The following BIRC6 variants were observed in gnomAD, a reference collection of about 807,000 sequenced individuals.
BIRC6 encodes dual E2 ubiquitin-conjugating enzyme/E3 ubiquitin-protein ligase BIRC6.
A neutral mutation model predicts 503.3 loss-of-function variants in BIRC6; 98 were observed. The observed-to-expected ratio is 0.19, with a 90% CI of 0.17 to 0.23. BIRC6 has a LOEUF of 0.23. BIRC6 is among the 10% of genes least tolerant of loss of function. BIRC6 has a pLI of 1.00. For missense variants in BIRC6, 5,360 were observed against 5,806.0 expected, an observed-to-expected ratio of 0.92 and a Z score of 2.50; for synonymous variants, 2,240 against 2,078.7, an observed-to-expected ratio of 1.08 and a Z score of -2.11.
chr2:32,511,201 C>CTTTTTTTTTTT, intron 53 of BIRC6, among the ~76,000 whole-genome samples: 193 of 48,588 alleles, frequency 4.0e-3, no homozygotes, highest in Non-Finnish European at 4.8e-3. Context: ...CTTTTCTTTT[C>CTTTTTTTTTTT]TTTTTTTTTT....
chr2:32,391,458 A>G (rs1427716538), intron 4 of BIRC6, among the ~76,000 whole-genome samples: 1 of 152,222 alleles, frequency 6.6e-6, no homozygotes, highest in African/African-American at 2.4e-5. Flanking sequence ...CTGAGAATGC[A>G]TTTCTAACCA....
At chr2:32,551,670 A>G (rs2058433471) in intron 65 of BIRC6, among the ~76,000 whole-genome samples, 1 of 152,244 alleles carries the variant, frequency 6.6e-6, no homozygotes, top group South Asian at 2.1e-4. Context: ...ATTAGTCTAA[A>G]GTTTATTTTC....
At position 32,380,173 on chromosome 2, in the gene BIRC6, A is replaced by C. The variant is rs762554541; in HGVS notation, c.528A>C (p.Ala176=). The change falls in exon 3 of 74, where the codon GCA becomes GCC. Residue 176 remains alanine (A), a synonymous_variant. Transcript: ENST00000421745. ...TTTAGGCACAGCAGCTCTTATCAGC[A>C]TGTTTAGAAAAGGTAGATATTTCTA... ...PVTEAQQLLS[A]CLEKVDISST... is the part of the protein sequence containing the mutation. 9 of 1,560,174 alleles carry C rather than the reference A, an allele frequency of 5.8e-6. No homozygotes were observed. In the Admixed American group the frequency reaches 1.7e-4, roughly 29 times the overall value.
chr2:32,507,875 AT>A (rs1258037476), intron 50 of BIRC6, 104 bp from the exon 51 acceptor site: 29 of 1,060,980 alleles, frequency 2.7e-5, no homozygotes, highest in Non-Finnish European at 3.8e-5. Context: ...TTACAAGTTC[AT>A]GATGAATACA....
intron 1 of BIRC6, among the ~76,000 whole-genome samples, chr2:32,363,650 T>C (rs1024041524): frequency 4.6e-5 from 7 of 152,226 alleles, no homozygotes; most frequent in African/African-American, 1.7e-4. Flanking sequence ...ATGCGCTTTA[T>C]GTTAGGTAGT....
chr2:32,482,165 A>G lies in BIRC6; in HGVS notation c.7543-264A>G, dbSNP rs1379010994. ...CACCTGTAATAATTTATGGTGGTAC[A>G]GTTCTTTGGTCCATAAGAGATTTTA... is the stretch of plus-strand genomic sequence containing the variant. On this transcript the variant is annotated intron_variant, in intron 38 of 73. Coordinates refer to ENST00000421745, the MANE Select transcript of BIRC6 (RefSeq NM_016252.4). Among the ~76,000 whole-genome samples the G allele has an allele frequency of 2.6e-5, 4 of 152,282 alleles. No homozygotes were observed. The East Asian group carries it at 7.7e-4, about 29-fold the overall frequency.
At chr2:32,443,394 A>G (rs924898943) in intron 19 of BIRC6, 97 bp from the exon 20 acceptor site, 2 of 778,818 alleles carry the variant, frequency 2.6e-6, no homozygotes, top group African/African-American at 3.5e-5. Context: ...TCGGTATAGA[A>G]TACATTTTAA....
chr2:32,510,053 C>T, intron 52 of BIRC6, 59 bp downstream of exon 52: 2 of 1,555,964 alleles, frequency 1.3e-6, no homozygotes, highest in Non-Finnish European at 1.7e-6. Context: ...AGCAGTTGAA[C>T]TGTGCGATCT....
At chr2:32,574,826 A>G (rs551763678) in intron 65 of BIRC6, 7 of 342,118 alleles carry the variant, frequency 2.0e-5, no homozygotes, top group South Asian at 7.6e-5. Flanking sequence ...TTGGCTCACT[A>G]TAGTCTCCGC....
chr2:32,454,077 AT>A, intron 23 of BIRC6, 135 bp downstream of exon 23: 2 of 721,242 alleles, frequency 2.8e-6, no homozygotes, highest in Non-Finnish European at 4.2e-6. Context: ...TGGGAGGGGC[AT>A]TTGGGGGAAA....
At chr2:32,436,891 T>C (rs1264835021) in intron 15 of BIRC6, among the ~76,000 whole-genome samples, 18 of 145,200 alleles carry the variant, frequency 1.2e-4, no homozygotes, top group South Asian at 4.4e-4. Flanking sequence ...TTTTTCTTTT[T>C]TTTTTTTTTT....
chr2:32,617,294 A>C (rs2063309624), intron 73 of BIRC6, among the ~76,000 whole-genome samples: 1 of 152,126 alleles, frequency 6.6e-6, no homozygotes, highest in Admixed American at 6.5e-5. Flanking sequence ...CCAGCTACTC[A>C]GAAGGCTGAG....
intron 35 of BIRC6, among the ~76,000 whole-genome samples, chr2:32,478,281 T>C (rs1472731726): frequency 6.6e-6 from 1 of 151,986 alleles, no homozygotes; most frequent in African/African-American, 2.4e-5. Flanking sequence ...GAGGTTGCAG[T>C]GAGCTGAAAT....
intron 69 of BIRC6, among the ~76,000 whole-genome samples, chr2:32,599,353 A>T (rs1439344768): frequency 6.8e-6 from 1 of 147,688 alleles, no homozygotes; most frequent in Non-Finnish European, 1.5e-5. Flanking sequence ...AGCTGTTCTT[A>T]TTTTGGCCAG....
chr2:32,457,822 A>G (rs2047413936), intron 23 of BIRC6, among the ~76,000 whole-genome samples: 1 of 152,164 alleles, frequency 6.6e-6, no homozygotes, highest in Non-Finnish European at 1.5e-5. Flanking sequence ...AAGTTTTATG[A>G]ATAATCAAAT....
At chr2:32,364,544 C>CT (rs1328342829) in intron 1 of BIRC6, among the ~76,000 whole-genome samples, 3 of 152,080 alleles carry the variant, frequency 2.0e-5, no homozygotes, top group Non-Finnish European at 4.4e-5. Flanking sequence ...CCCAGCCCTG[C>CT]TCAGTGTTCT....
intron 65 of BIRC6, among the ~76,000 whole-genome samples, chr2:32,572,991 T>G (rs868218249): frequency 4.6e-5 from 7 of 152,228 alleles, no homozygotes; most frequent in Admixed American, 6.5e-5. Flanking sequence ...CTGTGGGCAC[T>G]GAGGCAATTC....
chr2:32,538,747 A>G (rs2057433028), intron 61 of BIRC6, among the ~76,000 whole-genome samples: 1 of 152,204 alleles, frequency 6.6e-6, no homozygotes, highest in Admixed American at 6.5e-5. Context: ...CCTGGCCAAC[A>G]TGGTGAAACC....
rs2048155683 is a variant in BIRC6 at position 32,462,885 on chromosome 2, G to A, written c.4754-309G>A. Among the ~76,000 whole-genome samples the A allele has an allele frequency of 2.0e-5, 3 of 151,352 alleles. No homozygotes were observed. The South Asian group carries it at 6.3e-4, about 32-fold the overall frequency. ...GCACAAGAATCTCTTGAACCCAGAC[G>A]TGGAGGTTGCAGTGAACCAAGATCA... On this transcript the variant is annotated intron_variant, in intron 23 of 73. Coordinates refer to ENST00000421745, the MANE Select transcript of BIRC6 (RefSeq NM_016252.4).
Sources: gnomAD v4.1 joint callset for allele counts (sites outside exome capture counted in the v4.1 genomes callset) on GRCh38, gnomAD v4.1.1 for gene constraint, MANE v1.5 for transcripts, NCBI Gene and HGNC (gene_info 2026-07-23, HGNC 2026-07-21) for gene names.